PALS2: variants seen among roughly 807,000 people sequenced by gnomAD.
The protein encoded by PALS2 is protein PALS2.
In PALS2, 27 loss-of-function variants were observed where a neutral mutation model predicts 61.6. The ratio of observed to expected loss-of-function variants is 0.44; its 90% CI spans 0.32 to 0.60. PALS2 has a LOEUF of 0.60. Among genes scored for constraint, PALS2 ranks in the 20% least tolerant of loss-of-function variants. PALS2 has a pLI of 0.05. For synonymous variants in PALS2, 236 were observed against 218.6 expected (o/e 1.08, Z -0.70); for missense variants, 554 against 639.4 (o/e 0.87, Z 1.44).
At chr7:24,585,496 A>G (rs1224468798) in intron 1 of PALS2, among the ~76,000 whole-genome samples, 2 of 152,174 alleles carry the variant, frequency 1.3e-5, no homozygotes, top group Non-Finnish European at 2.9e-5. Flanking sequence ...AGATTAAAAA[A>G]AAATGCTTTT....
intron 1 of PALS2, among the ~76,000 whole-genome samples, chr7:24,598,412 A>G (rs1783598324): frequency 1.3e-5 from 2 of 152,166 alleles, no homozygotes; most frequent in South Asian, 4.1e-4. Flanking sequence ...AGTTGTCTAT[A>G]GTGTTGATGC....
rs1274329385 is a variant in PALS2, at chr7:24,691,405, G to GTGTATATA, written c.*3792_*3793insGTATATAT. ...ATATTATGTATGTGTGTGTGTGTGT[G>GTGTATATA]TATATATATATATATATATATATAT... On this transcript the variant is annotated 3_prime_UTR_variant, in exon 12 of 12. Transcript: ENST00000222644. The GTGTATATA allele has an allele frequency of 1.8e-4, 20 of 110,590 alleles. No homozygotes were observed. Among genetic ancestry groups the GTGTATATA allele is most frequent in the South Asian group, 3.3e-4 (1 of 3,016 alleles). The allele number at this position is 110,590 out of a possible 1,614,324, so 6.9% of individuals were successfully genotyped here.
At chr7:24,593,727 G>A (rs1003930952) in intron 1 of PALS2, among the ~76,000 whole-genome samples, 2 of 152,084 alleles carry the variant, frequency 1.3e-5, no homozygotes, top group African/African-American at 4.8e-5. Flanking sequence ...CTCAACAGTG[G>A]ACTTAATAAA....
intron 9 of PALS2, among the ~76,000 whole-genome samples, chr7:24,670,851 A>ATT (rs1264352737): frequency 1.3e-5 from 2 of 152,170 alleles, no homozygotes; most frequent in Admixed American, 1.3e-4. Context: ...GCATTGTAGC[A>ATT]TTTATCAGTA....
chr7:24,625,689 T>C (rs1784710151), intron 2 of PALS2, among the ~76,000 whole-genome samples: 1 of 152,248 alleles, frequency 6.6e-6, no homozygotes, highest in Non-Finnish European at 1.5e-5. Context: ...GAGGATTATC[T>C]TGTTCATTAT....
At chr7:24,611,240 C>T (rs1784099117) in intron 1 of PALS2, among the ~76,000 whole-genome samples, 1 of 151,956 alleles carries the variant, frequency 6.6e-6, no homozygotes. Flanking sequence ...GCTAGAAATA[C>T]ATTTATAGGC....
chr7:24,624,807 A>G (rs138402001), intron 2 of PALS2, among the ~76,000 whole-genome samples: 2,407 of 151,858 alleles, frequency 0.016, 72 homozygotes, highest in African/African-American at 0.055. Flanking sequence ...GGGTTTCACC[A>G]TGTTGGCGCA....
chr7:24,619,474 T>C (rs1784410836), intron 1 of PALS2, among the ~76,000 whole-genome samples: 1 of 151,466 alleles, frequency 6.6e-6, no homozygotes, highest in South Asian at 2.1e-4. Context: ...TCCCAGCACT[T>C]TGGGAGGCCG....
intron 1 of PALS2, among the ~76,000 whole-genome samples, chr7:24,614,022 A>G (rs548971657): frequency 6.6e-6 from 1 of 152,046 alleles, no homozygotes; most frequent in South Asian, 2.1e-4. Context: ...TATGATGACT[A>G]TTATGAATAG....
At chr7:24,634,644 T>C (rs2128065564) in intron 2 of PALS2, among the ~76,000 whole-genome samples, 1 of 152,328 alleles carries the variant, frequency 6.6e-6, no homozygotes, top group African/African-American at 2.4e-5. Flanking sequence ...TCATGAAGAT[T>C]TACCCCTGTG....
rs375994294 is a variant in PALS2 at position 24,620,896 on chromosome 7, A to G, written c.-2-2770A>G. 5.4e-4 allele frequency among the ~76,000 whole-genome samples: 82 copies of G among 152,296 alleles called. 3 individuals are homozygous for G. The South Asian group carries it at 0.017, about 31-fold the overall frequency. ...GAGTTGCTAATTGTTGGAGCTGATC[A>G]TTGTGTGGTTTATTATATTATTCTG... is the stretch of plus-strand genomic sequence containing the variant. On this transcript the variant is annotated intron_variant, in intron 1 of 11. Coordinates refer to ENST00000222644, the MANE Select transcript of PALS2 (RefSeq NM_001303037.2).
At chr7:24,595,842 A>G (rs1421958216) in intron 1 of PALS2, among the ~76,000 whole-genome samples, 2 of 151,566 alleles carry the variant, frequency 1.3e-5, no homozygotes, top group East Asian at 3.9e-4. Flanking sequence ...TGAAGAGAAT[A>G]TTGGTATGTG....
At chr7:24,595,006 G>A (rs1783445182) in intron 1 of PALS2, among the ~76,000 whole-genome samples, 1 of 152,072 alleles carries the variant, frequency 6.6e-6, no homozygotes, top group East Asian at 1.9e-4. Flanking sequence ...TTTAAAAACA[G>A]TATCTGTGAA....
rs1375285001 is a variant in PALS2 at position 24,680,457 on chromosome 7, A to C, written c.1383A>C (p.Leu461=). The C allele has an allele frequency of 6.2e-7, 1 of 1,613,836 alleles. No homozygotes were observed. Among genetic ancestry groups the C allele is most frequent in the Non-Finnish European group, 8.5e-7 (1 of 1,179,818 alleles). ...PYVVFIAAPE[L]ETLRAMHKAV... ...TGGTATTTATTGCGGCTCCGGAGCT[A>C]GAGACGTTACGTGCCATGCACAAGG... Residue 461 remains leucine (L), a synonymous_variant, in exon 11 of 12, where the codon CTA becomes CTC. Coordinates refer to ENST00000222644, the MANE Select transcript of PALS2 (RefSeq NM_001303037.2).
At chr7:24,662,028 T>A (rs946803112) in intron 5 of PALS2, among the ~76,000 whole-genome samples, 1 of 152,156 alleles carries the variant, frequency 6.6e-6, no homozygotes, top group African/African-American at 2.4e-5. Flanking sequence ...GTTAGCCAAT[T>A]GTCACACTTT....
intron 2 of PALS2, among the ~76,000 whole-genome samples, chr7:24,626,923 A>C (rs901818881): frequency 6.6e-6 from 1 of 152,178 alleles, no homozygotes; most frequent in Non-Finnish European, 1.5e-5. Flanking sequence ...TAATAGTCGG[A>C]GATTTTAACA....
intron 3 of PALS2, among the ~76,000 whole-genome samples, chr7:24,646,500 G>C (rs2721792): frequency 1.4e-4 from 21 of 152,214 alleles, no homozygotes; most frequent in African/African-American, 5.1e-4. Flanking sequence ...TGGGGATGAA[G>C]CCTACTTGAT....
At chr7:24,590,621 A>G (rs1384782479) in intron 1 of PALS2, among the ~76,000 whole-genome samples, 1 of 152,058 alleles carries the variant, frequency 6.6e-6, no homozygotes, top group African/African-American at 2.4e-5. Context: ...GCATGTTTTT[A>G]TTAGACTACT....
intron 2 of PALS2, among the ~76,000 whole-genome samples, chr7:24,632,647 A>G (rs1447747060): frequency 6.6e-6 from 1 of 152,176 alleles, no homozygotes; most frequent in Non-Finnish European, 1.5e-5. Context: ...TCGGCCTCCC[A>G]AAATGCTAGG....
Sources: allele counts gnomAD v4.1 joint callset (sites outside exome capture counted in the v4.1 genomes callset), GRCh38; gene constraint gnomAD v4.1.1; transcripts MANE v1.5; gene names NCBI Gene and HGNC (gene_info 2026-07-23, HGNC 2026-07-21).